CREB5: variants seen among roughly 807,000 people sequenced by gnomAD.
CREB5 encodes the protein cyclic AMP-responsive element-binding protein 5.
Under a neutral mutation model 57.1 loss-of-function variants are expected in CREB5, and 19 were observed. The observed-to-expected ratio is 0.33, with a 90% CI of 0.23 to 0.49. CREB5 has a LOEUF of 0.49. Among genes scored for constraint, CREB5 ranks in the 20% least tolerant of loss-of-function variants. The pLI is 0.99. For missense variants in CREB5, 579 were observed against 671.6 expected (o/e 0.86, Z 1.52); for synonymous variants, 238 against 238.3 (o/e 1.00, Z 0.01).
intron 1 of CREB5, among the ~76,000 whole-genome samples, chr7:28,377,837 C>G (rs1257660000): frequency 7.0e-6 from 1 of 142,418 alleles, no homozygotes; most frequent in African/African-American, 2.6e-5. Context: ...GAGGCTGAGG[C>G]AGGAGAAAGG....
At chr7:28,646,089 C>G (rs1356126291) in intron 5 of CREB5, among the ~76,000 whole-genome samples, 1 of 152,226 alleles carries the variant, frequency 6.6e-6, no homozygotes, top group Non-Finnish European at 1.5e-5. Context: ...GGGCCTCCAG[C>G]TTGCAGACAG....
chr7:28,686,049 A>G (rs1389792349), intron 5 of CREB5: 2 of 1,395,992 alleles, frequency 1.4e-6, no homozygotes, highest in South Asian at 2.4e-5. Context: ...GGGCCAGCAC[A>G]TTACATCATC....
intron 7 of CREB5, among the ~76,000 whole-genome samples, chr7:28,748,467 T>G (rs1052766561): frequency 6.6e-6 from 1 of 152,196 alleles, no homozygotes; most frequent in African/African-American, 2.4e-5. Context: ...AGTGTGATCC[T>G]GCTAAAACTA....
intron 1 of CREB5, among the ~76,000 whole-genome samples, chr7:28,319,226 A>T (rs1785441989): frequency 6.6e-6 from 1 of 152,124 alleles, no homozygotes; most frequent in Non-Finnish European, 1.5e-5. Context: ...CCTGTATAGA[A>T]GATCGGTGGG....
chr7:28,742,491 G>A (rs986523885), intron 7 of CREB5, among the ~76,000 whole-genome samples: 1 of 151,978 alleles, frequency 6.6e-6, no homozygotes, highest in Non-Finnish European at 1.5e-5. Flanking sequence ...GCGTGAACCT[G>A]GGAGGCGGAG....
At chr7:28,449,060 C>G (rs1459377358) in intron 1 of CREB5, among the ~76,000 whole-genome samples, 1 of 151,788 alleles carries the variant, frequency 6.6e-6, no homozygotes, top group East Asian at 1.9e-4. Context: ...TTTGCCTCCT[C>G]TTTATTTTGT....
chr7:28,491,141 A>G (rs1181184138), intron 2 of CREB5: 11 of 876,366 alleles, frequency 1.3e-5, no homozygotes, highest in Non-Finnish European at 1.5e-5. Flanking sequence ...TTTCAAGAGC[A>G]CTAGGCAGTG....
At position 28,534,985 on chromosome 7, in the gene CREB5, T is replaced by C. The variant is rs1184263495; in HGVS notation, c.291+27248T>C. ...AGTTATTTATTTATATTTAGAAATG[T>C]ACTCATCCTTGGCCATGTGTTTCTT... On this transcript the variant is annotated intron_variant, in intron 4 of 10. Transcript: ENST00000357727. Among the ~76,000 whole-genome samples, 2 of 141,680 alleles carry C rather than the reference T, an allele frequency of 1.4e-5. 1 individual carries two copies. Among genetic ancestry groups the C allele is most frequent in the Non-Finnish European group, 3.2e-5 (2 of 63,100 alleles). 92.9% of individuals were successfully genotyped at this position (141,680 alleles called of 152,430 possible).
At chr7:28,481,560 C>A (rs540369253) in intron 1 of CREB5, among the ~76,000 whole-genome samples, 1 of 152,120 alleles carries the variant, frequency 6.6e-6, no homozygotes, top group African/African-American at 2.4e-5. Flanking sequence ...AGCATTCAGG[C>A]GTTTCAAGCT....
intron 1 of CREB5, among the ~76,000 whole-genome samples, chr7:28,453,827 A>G (rs541766163): frequency 1.3e-5 from 2 of 152,370 alleles, no homozygotes; most frequent in South Asian, 4.1e-4. Flanking sequence ...ATGAAACAAA[A>G]TAAAATCTTT....
At chr7:28,363,199 G>A (rs1786524391) in intron 1 of CREB5, among the ~76,000 whole-genome samples, 1 of 152,106 alleles carries the variant, frequency 6.6e-6, no homozygotes, top group Non-Finnish European at 1.5e-5. Flanking sequence ...GTGACATCCT[G>A]GGGACAACTA....
chr7:28,389,102 G>A (rs147241130), intron 1 of CREB5, among the ~76,000 whole-genome samples: 2 of 152,252 alleles, frequency 1.3e-5, no homozygotes, highest in African/African-American at 4.8e-5. Flanking sequence ...TATCAACAGC[G>A]TCAGAGCTTT....
At chr7:28,778,373 G>T (rs990814015) in intron 7 of CREB5, among the ~76,000 whole-genome samples, 2 of 152,186 alleles carry the variant, frequency 1.3e-5, no homozygotes, top group African/African-American at 2.4e-5. Context: ...TTGGCACATT[G>T]GATTTGTAGA....
intron 7 of CREB5, among the ~76,000 whole-genome samples, chr7:28,725,556 C>G (rs753552354): frequency 5.5e-4 from 84 of 151,586 alleles, no homozygotes; most frequent in Non-Finnish European, 8.2e-4. Context: ...AACTTGAGCC[C>G]TGCTGAGCCA....
In CREB5 at chr7:28,824,650, T is replaced by C. The variant is rs1324668873; in HGVS notation, c.*5371T>C. The C allele has an allele frequency of 6.6e-6, 1 of 152,660 alleles. No homozygotes were observed. Among genetic ancestry groups the C allele is most frequent in the Non-Finnish European group, 1.5e-5 (1 of 68,038 alleles). 9.5% of individuals were successfully genotyped at this position (152,660 alleles called of 1,614,324 possible). ...TCATCATGTTGTGAAAATGAAAAAGTGAATGTCCATTCAAAATATTTTACT... is the reference window on the plus strand; with the variant it reads ...TCATCATGTTGTGAAAATGAAAAAGCGAATGTCCATTCAAAATATTTTACT... On this transcript the variant is annotated 3_prime_UTR_variant, in exon 11 of 11. Coordinates refer to ENST00000357727, the MANE Select transcript of CREB5 (RefSeq NM_182898.4).
chr7:28,349,422 A>G (rs1021111510), intron 1 of CREB5, among the ~76,000 whole-genome samples: 2 of 151,738 alleles, frequency 1.3e-5, no homozygotes, highest in Admixed American at 6.6e-5. Context: ...TTTTGATACA[A>G]ATTCCCCCCA....
At chr7:28,437,360 T>G (rs1789001594) in intron 1 of CREB5, among the ~76,000 whole-genome samples, 1 of 136,034 alleles carries the variant, frequency 7.4e-6, no homozygotes, top group Admixed American at 6.9e-5. Context: ...ATTCACTCTC[T>G]GTCATGGGAG....
At chr7:28,687,384 G>GA (rs35424210) in intron 5 of CREB5, among the ~76,000 whole-genome samples, 25,615 of 151,528 alleles carry the variant, frequency 0.17, 2,758 homozygotes, top group Non-Finnish European at 0.24. Flanking sequence ...TACAGGGAGA[G>GA]GGGGCAAAGG....
At chr7:28,753,336 A>G (rs900960025) in intron 7 of CREB5, among the ~76,000 whole-genome samples, 4 of 152,148 alleles carry the variant, frequency 2.6e-5, no homozygotes, top group African/African-American at 9.7e-5. Flanking sequence ...TAGAAGTAAT[A>G]TTGTCTATAC....
Sources: gnomAD v4.1 joint callset for allele counts (sites outside exome capture counted in the v4.1 genomes callset) on GRCh38, gnomAD v4.1.1 for gene constraint, MANE v1.5 for transcripts, NCBI Gene and HGNC (gene_info 2026-07-23, HGNC 2026-07-21) for gene names.